NUP214: variants seen among roughly 807,000 people sequenced by gnomAD.
NUP214 encodes nucleoporin 214.
NUP214 carries 79 observed loss-of-function variants against 196.2 expected under a neutral mutation model. That is an observed-to-expected ratio of 0.40 (90% confidence interval 0.34 to 0.49). The LOEUF is 0.49. Among genes scored for constraint, NUP214 ranks in the 20% least tolerant of loss-of-function variants. The probability of loss-of-function intolerance (pLI) is 0.58; values close to 1 mark genes in which losing one functional copy is unlikely to be tolerated. For synonymous variants in NUP214, 1,020 were observed against 990.5 expected, an observed-to-expected ratio of 1.03 and a Z score of -0.56; for missense variants, 2,468 against 2,539.0, an observed-to-expected ratio of 0.97 and a Z score of 0.60.
chr9:131,189,638 T>A (rs924499005), intron 26 of NUP214, among the ~76,000 whole-genome samples: 3 of 152,242 alleles, frequency 2.0e-5, no homozygotes, highest in Non-Finnish European at 4.4e-5. Flanking sequence ...TGAGATTTTA[T>A]GGCTTCACGT....
chr9:131,198,214 G>T lies in NUP214; in HGVS notation c.4720G>T (p.Val1574Phe). The T allele has an allele frequency of 6.2e-7, 1 of 1,614,232 alleles. No homozygotes were observed. The highest frequency in any genetic ancestry group is 1.1e-5 in the South Asian group (1 of 91,090). The change falls in exon 29 of 36, where the codon GTC becomes TTC. Residue 1574 changes from valine to phenylalanine, a missense_variant. Transcript: ENST00000359428. ...SAEATPATTG[V>F]PDARTEAVPP... is the part of the protein sequence containing the mutation. ...AGAGGCTACCCCAGCCACCACGGGG[G>T]TCCCTGATGCCAGGACGGAGGCAGT...
chr9:131,205,176 C>A (rs1184295034), intron 30 of NUP214, among the ~76,000 whole-genome samples: 1 of 152,170 alleles, frequency 6.6e-6, no homozygotes. Flanking sequence ...AATTTGACCT[C>A]ACTAAAATTA....
Position 131,232,281 on chromosome 9 carries a change from C to G in NUP214, c.6215-3C>G. ...TTAACTTCACTCTTATTCTGCTTTT[C>G]AGGGTTCAGCTTTGGGTCAAATAAC... On this transcript the variant is annotated splice_region_variant and splice_polypyrimidine_tract_variant and intron_variant, in intron 34 of 35. Transcript: ENST00000359428. The surrounding 1 kb of genome is among the most constrained non-coding windows in gnomAD (Gnocchi z 5.1). The G allele has an allele frequency of 6.2e-7, 1 of 1,614,166 alleles. No homozygotes were observed. Among genetic ancestry groups the G allele is most frequent in the Non-Finnish European group, 8.5e-7 (1 of 1,179,988 alleles).
chr9:131,175,690 C>T, intron 23 of NUP214, 69 bp downstream of exon 23: 1 of 1,534,748 alleles, frequency 6.5e-7, no homozygotes, highest in Non-Finnish European at 8.8e-7. Context: ...GCCAGGACAG[C>T]AGGTGGCAAG....
intron 26 of NUP214, among the ~76,000 whole-genome samples, chr9:131,189,419 C>A (rs1430328197): frequency 2.0e-5 from 3 of 152,132 alleles, no homozygotes; most frequent in African/African-American, 4.8e-5. Flanking sequence ...CCTTTAAATT[C>A]TTTTCCTAAA....
At chr9:131,164,310 G>C in intron 21 of NUP214, 166 bp downstream of exon 21, 1 of 619,598 alleles carries the variant, frequency 1.6e-6, no homozygotes, top group South Asian at 2.0e-5. Flanking sequence ...AATGTCTCCA[G>C]AATCTGTTGT....
At chr9:131,225,951 A>G (rs960562933) in intron 32 of NUP214, among the ~76,000 whole-genome samples, 3 of 152,190 alleles carry the variant, frequency 2.0e-5, no homozygotes, top group Admixed American at 6.5e-5. Context: ...GCTGCCCACC[A>G]TGGTCAGTGG....
intron 32 of NUP214, among the ~76,000 whole-genome samples, chr9:131,226,328 T>C (rs1834723268): frequency 6.6e-6 from 1 of 152,218 alleles, no homozygotes; most frequent in Admixed American, 6.5e-5. Context: ...CCTCCTGCCA[T>C]CAGGAGAGAG....
chr9:131,144,704 G>T lies in NUP214; in HGVS notation c.1719G>T (p.Lys573Asn). The change falls in exon 12 of 36, where the codon AAG (lysine) becomes AAT (asparagine). Residue 573 changes from lysine to asparagine, a missense_variant. By Grantham distance (94) the Lys-to-Asn change is moderately conservative (BLOSUM62 0). Transcript: ENST00000359428. ...PSVSAPNIAM[K>N]PSFPPSTSAV... The stretch of plus-strand genomic sequence containing the variant: ...TGTCTGCTCCAAATATAGCAATGAA[G>T]CCCTCCTTCCCACCCTCAACCTCTG... 1.2e-6 allele frequency: 2 copies of T among 1,613,840 alleles called. No homozygotes were observed. The highest frequency in any genetic ancestry group is 1.7e-6 in the Non-Finnish European group (2 of 1,179,840).
intron 23 of NUP214, 21 bp downstream of exon 23, chr9:131,175,642 C>A (rs772813488): frequency 1.2e-6 from 2 of 1,612,182 alleles, no homozygotes; most frequent in East Asian, 4.5e-5. Context: ...TAGCCCCATA[C>A]CTGTACAGAG....
chr9:131,190,738 G>T (rs141798555), intron 26 of NUP214: 2 of 327,896 alleles, frequency 6.1e-6, no homozygotes, highest in African/African-American at 2.1e-5. Flanking sequence ...GTATTCCAGA[G>T]ATCATGATTT....
chr9:131,211,420 C>T (rs879690182), intron 30 of NUP214, among the ~76,000 whole-genome samples: 10 of 152,148 alleles, frequency 6.6e-5, no homozygotes, highest in Non-Finnish European at 1.3e-4. Flanking sequence ...TTTCATATCT[C>T]GCTTTTGAAT....
chr9:131,163,309 C>G (rs1228389383), intron 19 of NUP214, 136 bp downstream of exon 19: 1 of 807,924 alleles, frequency 1.2e-6, no homozygotes, highest in African/African-American at 1.8e-5. Context: ...AGGGTCCCAC[C>G]CTCTCTGATC....
At chr9:131,133,382 G>T (rs1259801912) in intron 7 of NUP214, among the ~76,000 whole-genome samples, 173 bp downstream of exon 7, 1 of 144,424 alleles carries the variant, frequency 6.9e-6, no homozygotes, top group Non-Finnish European at 1.5e-5. Flanking sequence ...TCACCTCACT[G>T]AAGCCTGGAC....
Position 131,198,224 on chromosome 9 carries a change from C to T in NUP214, c.4730C>T (p.Ala1577Val). ...CCAGCCACCACGGGGGTCCCTGATG[C>T]CAGGACGGAGGCAGTACCACCTGCT... ...ATPATTGVPD[A>V]RTEAVPPASS... is the part of the protein sequence containing the mutation. The change falls in exon 29 of 36, where the codon GCC becomes GTC. Residue 1577 changes from alanine to valine, a missense_variant. Physicochemically the swap from Ala to Val is moderately conservative, Grantham distance 64. Coordinates refer to ENST00000359428, the MANE Select transcript of NUP214 (RefSeq NM_005085.4). The T allele has an allele frequency of 1.9e-6, 3 of 1,614,218 alleles. No homozygotes were observed. The highest frequency in any genetic ancestry group is 2.5e-6 in the Non-Finnish European group (3 of 1,180,036).
chr9:131,185,907 A>G (rs370645954), intron 24 of NUP214, among the ~76,000 whole-genome samples: 1 of 152,240 alleles, frequency 6.6e-6, no homozygotes, highest in South Asian at 2.1e-4. Context: ...ATAATTTACT[A>G]TCATGTCACA....
intron 32 of NUP214, among the ~76,000 whole-genome samples, chr9:131,227,279 C>T (rs1175932636): frequency 6.6e-6 from 1 of 152,200 alleles, no homozygotes; most frequent in African/African-American, 2.4e-5. Flanking sequence ...TCTGTGTGGC[C>T]ACCTGTGTGG....
chr9:131,211,962 AAC>A (rs767811411), intron 30 of NUP214, among the ~76,000 whole-genome samples: 5 of 152,244 alleles, frequency 3.3e-5, no homozygotes, highest in Non-Finnish European at 7.3e-5. Context: ...GGCTGGACAG[AAC>A]AGAGTCATAT....
At chr9:131,192,531 C>T (rs1452903148) in intron 27 of NUP214, 2 of 321,778 alleles carry the variant, frequency 6.2e-6, no homozygotes, top group African/African-American at 4.3e-5. Context: ...TGTTTTTTAG[C>T]CTAAGCCTCA....
Sources: allele counts gnomAD v4.1 joint callset (sites outside exome capture counted in the v4.1 genomes callset), GRCh38; gene constraint gnomAD v4.1.1; non-coding constraint Gnocchi (gnomAD v3.1); transcripts MANE v1.5; gene names NCBI Gene and HGNC (gene_info 2026-07-23, HGNC 2026-07-21).